CLIC6: variants seen among roughly 807,000 people sequenced by gnomAD.
The protein encoded by CLIC6 is CLIC family member 6.
In CLIC6, 39 loss-of-function variants were observed where a neutral mutation model predicts 49.2. The observed-to-expected ratio is 0.79, with a 90% CI of 0.61 to 1.04. CLIC6 has a LOEUF of 1.04. CLIC6 is among the 50% of genes least tolerant of loss of function. CLIC6 has a pLI of 0.00. For synonymous variants in CLIC6, 446 were observed against 433.4 expected, an observed-to-expected ratio of 1.03 and a Z score of -0.36; for missense variants, 988 against 993.1, an observed-to-expected ratio of 0.99 and a Z score of 0.07.
chr21:34,711,819 G>A (rs1408258343), intron 5 of CLIC6, among the ~76,000 whole-genome samples: 1 of 152,106 alleles, frequency 6.6e-6, no homozygotes, highest in African/African-American at 2.4e-5. Flanking sequence ...CAATAGCTTT[G>A]CCAGTCCACC....
rs1415264442 is a variant in CLIC6 at position 34,682,911 on chromosome 21, A to C, written c.1374+12149A>C. Among the ~76,000 whole-genome samples, 10 of 139,564 alleles carry C rather than the reference A, an allele frequency of 7.2e-5. 1 individual carries two copies. The South Asian group carries it at 2.0e-3, about 28-fold the overall frequency. The allele number at this position is 139,564 out of a possible 152,430, so 91.6% of individuals were successfully genotyped here. A position where few individuals can be genotyped will look rare whatever the true frequency, so the allele number is the denominator to read the frequency against. On this transcript the variant is annotated intron_variant, in intron 1 of 5. Transcript: ENST00000349499. ...ACTGCAAGCTCTGCCTCCCAGGTTC[A>C]TGCCATTCTCCTGCCTCAGCCTCCC...
At chr21:34,683,302 T>G (rs904657335) in intron 1 of CLIC6, among the ~76,000 whole-genome samples, 1 of 152,198 alleles carries the variant, frequency 6.6e-6, no homozygotes, top group African/African-American at 2.4e-5. Context: ...TTGCATAATA[T>G]CTACTGAAAT....
At chr21:34,705,403 G>A (rs2056007503) in intron 1 of CLIC6, among the ~76,000 whole-genome samples, 1 of 152,134 alleles carries the variant, frequency 6.6e-6, no homozygotes, top group Non-Finnish European at 1.5e-5. Context: ...CCCAAGGTGG[G>A]GAACAGCCTC....
At chr21:34,691,275 G>A (rs1989988328) in intron 1 of CLIC6, among the ~76,000 whole-genome samples, 1 of 152,198 alleles carries the variant, frequency 6.6e-6, no homozygotes, top group South Asian at 2.1e-4. Flanking sequence ...TAAAACTGGA[G>A]AAGTCACTCC....
chr21:34,709,552 C>T lies in CLIC6; in HGVS notation c.1899+14C>T. 6.2e-7 allele frequency: 1 copy of T among 1,611,974 alleles called. No individual in the cohort carries two copies. Among genetic ancestry groups the T allele is most frequent in the Non-Finnish European group, 8.5e-7 (1 of 1,178,398 alleles). The stretch of plus-strand genomic sequence containing the variant: ...CATATTATTAAGGTTCATCTTCCCT[C>T]CCGACACGTGTGCCGAGTACACGAA... On this transcript the variant is annotated intron_variant, in intron 5 of 5. Transcript: ENST00000349499.
chr21:34,702,554 A>G (rs1171574627), intron 1 of CLIC6, among the ~76,000 whole-genome samples: 4 of 152,208 alleles, frequency 2.6e-5, no homozygotes, highest in African/African-American at 9.6e-5. Flanking sequence ...TCAGTTGTAC[A>G]TGCAGTGAAA....
At chr21:34,689,610 C>A (rs1029459392) in intron 1 of CLIC6, among the ~76,000 whole-genome samples, 1 of 138,030 alleles carries the variant, frequency 7.2e-6, no homozygotes, top group Non-Finnish European at 1.5e-5. Flanking sequence ...TTTTTTTTTT[C>A]CTGAGAATCT....
chr21:34,675,231 A>T (rs543805769), intron 1 of CLIC6, among the ~76,000 whole-genome samples: 4 of 150,854 alleles, frequency 2.7e-5, no homozygotes, highest in Non-Finnish European at 4.4e-5. Flanking sequence ...ACTGTCACCC[A>T]GAAATGAGCC....
chr21:34,705,189 C>T (rs1453282658), intron 1 of CLIC6, among the ~76,000 whole-genome samples: 2 of 152,210 alleles, frequency 1.3e-5, no homozygotes, highest in Non-Finnish European at 2.9e-5. Context: ...TGCGTCCTTG[C>T]ACTTTCTTCT....
intron 1 of CLIC6, among the ~76,000 whole-genome samples, chr21:34,678,313 GT>G (rs1331349179): frequency 4.6e-5 from 7 of 151,086 alleles, no homozygotes; most frequent in Non-Finnish European, 7.4e-5. Context: ...GTGGTGGCGT[GT>G]GCCTGTAGTC....
chr21:34,681,505 CAGA>C (rs1337424650), intron 1 of CLIC6, among the ~76,000 whole-genome samples: 3 of 152,158 alleles, frequency 2.0e-5, no homozygotes, highest in South Asian at 2.1e-4. Flanking sequence ...GTGGTTTCAT[CAGA>C]AGGATTGATT....
chr21:34,679,388 T>A (rs115311102), intron 1 of CLIC6, among the ~76,000 whole-genome samples: 2,374 of 152,264 alleles, frequency 0.016, 67 homozygotes, highest in African/African-American at 0.054. Context: ...CACTTGACAC[T>A]TGGGTATTAT....
intron 5 of CLIC6, among the ~76,000 whole-genome samples, chr21:34,710,830 C>A (rs540975412): frequency 1.3e-5 from 2 of 149,634 alleles, no homozygotes; most frequent in Non-Finnish European, 3.0e-5. Context: ...AAACAAAAAA[C>A]AAACAAACAA....
At chr21:34,688,891 T>C (rs1358084416) in intron 1 of CLIC6, among the ~76,000 whole-genome samples, 1 of 152,232 alleles carries the variant, frequency 6.6e-6, no homozygotes. Context: ...GCTTGTATTC[T>C]ATGACTCCTT....
At chr21:34,707,217 TGTG>T (rs2056020493) in intron 1 of CLIC6, 60 bp from the exon 2 acceptor site, 2 of 1,187,156 alleles carry the variant, frequency 1.7e-6, no homozygotes, top group Admixed American at 3.4e-5. Context: ...ATGTGCATGT[TGTG>T]GTGTTGGCAC....
At chr21:34,716,181 G>C (rs1409668668) in intron 5 of CLIC6, 140 bp from the exon 6 acceptor site, 3 of 695,566 alleles carry the variant, frequency 4.3e-6, no homozygotes, top group Non-Finnish European at 7.2e-6. Flanking sequence ...AGATGCCGTG[G>C]TGGGTAGCCC....
chr21:34,702,738 C>T (rs950219284), intron 1 of CLIC6, among the ~76,000 whole-genome samples: 1 of 152,154 alleles, frequency 6.6e-6, no homozygotes, highest in African/African-American at 2.4e-5. Context: ...CAGCAAAAGG[C>T]CGGGAAGGGA....
At chr21:34,680,406 G>T (rs1353121168) in intron 1 of CLIC6, among the ~76,000 whole-genome samples, 1 of 152,226 alleles carries the variant, frequency 6.6e-6, no homozygotes, top group Non-Finnish European at 1.5e-5. Flanking sequence ...GATGGGAGGG[G>T]TTGCCACAAA....
At chr21:34,673,293 A>AT (rs903691191) in intron 1 of CLIC6, among the ~76,000 whole-genome samples, 19 of 148,150 alleles carry the variant, frequency 1.3e-4, no homozygotes, top group South Asian at 6.5e-4. Context: ...TAACTTTTTT[A>AT]TTTTTTTTTT....
Sources: allele counts gnomAD v4.1 joint callset (sites outside exome capture counted in the v4.1 genomes callset), GRCh38; gene constraint gnomAD v4.1.1; transcripts MANE v1.5; gene names NCBI Gene and HGNC (gene_info 2026-07-23, HGNC 2026-07-21).